BIRC6: variants seen among roughly 807,000 people sequenced by gnomAD.
BIRC6 encodes the protein dual E2 ubiquitin-conjugating enzyme/E3 ubiquitin-protein ligase BIRC6.
Under a neutral mutation model 503.3 loss-of-function variants are expected in BIRC6, and 98 were observed. That is an observed-to-expected ratio of 0.19 (90% CI 0.17 to 0.23). The LOEUF is 0.23. Among genes scored for constraint, BIRC6 ranks in the 10% least tolerant of loss-of-function variants. BIRC6 has a pLI of 1.00. For missense variants in BIRC6, 5,360 were observed against 5,806.0 expected (o/e 0.92, Z 2.50); for synonymous variants, 2,240 against 2,078.7 (o/e 1.08, Z -2.11).
chr2:32,492,246 C>A (rs1430016653), intron 44 of BIRC6, among the ~76,000 whole-genome samples: 1 of 152,040 alleles, frequency 6.6e-6, no homozygotes, highest in African/African-American at 2.4e-5. Flanking sequence ...TCTATTAATT[C>A]ACTTATTCAG....
At chr2:32,583,548 G>A (rs1573186756) in intron 66 of BIRC6, among the ~76,000 whole-genome samples, 1 of 152,288 alleles carries the variant, frequency 6.6e-6, no homozygotes, top group East Asian at 1.9e-4. Flanking sequence ...TGTCAAAATA[G>A]AGATTTTACA....
intron 47 of BIRC6, among the ~76,000 whole-genome samples, chr2:32,502,507 A>G (rs1314768030): frequency 1.3e-5 from 2 of 152,178 alleles, no homozygotes; most frequent in Non-Finnish European, 1.5e-5. Flanking sequence ...GAAAATACAA[A>G]GGTACTTTAA....
intron 65 of BIRC6, among the ~76,000 whole-genome samples, chr2:32,562,218 GGTT>G (rs1311819027): frequency 6.6e-6 from 1 of 151,912 alleles, no homozygotes; most frequent in Non-Finnish European, 1.5e-5. Context: ...TTGTGGTTTT[GGTT>G]GTTCTTAATA....
intron 9 of BIRC6, among the ~76,000 whole-genome samples, chr2:32,411,667 G>A (rs1357056017): frequency 2.6e-5 from 4 of 151,612 alleles, no homozygotes; most frequent in African/African-American, 9.7e-5. Context: ...TGGTAGAGAC[G>A]GGGTTTCACC....
In BIRC6 at chr2:32,503,234, T is replaced by G. The variant is rs1442211533; in HGVS notation, c.9497T>G (p.Leu3166Arg). The change falls in exon 49 of 74, where the codon CTC becomes CGC. Residue 3166 changes from leucine (L) to arginine (R), a missense_variant and splice_region_variant. Coordinates refer to ENST00000421745, the MANE Select transcript of BIRC6 (RefSeq NM_016252.4). ...GAAGGGATTCATAACTTTGCACCCCTCGGTAAGAAAAGTGTTACTAAATCT... is the reference window on the plus strand; with the variant it reads ...GAAGGGATTCATAACTTTGCACCCCGCGGTAAGAAAAGTGTTACTAAATCT... Reference protein sequence around the residue: ...NAEGIHNFAPLGTITSSSPTA... With the variant: ...NAEGIHNFAPRGTITSSSPTA... The G allele has an allele frequency of 3.8e-6, 6 of 1,596,666 alleles. No homozygotes were observed. The highest frequency in any genetic ancestry group is 5.1e-6 in the Non-Finnish European group (6 of 1,173,366).
chr2:32,596,117 T>A (rs1487892718), intron 68 of BIRC6, among the ~76,000 whole-genome samples: 1 of 152,188 alleles, frequency 6.6e-6, no homozygotes. Context: ...CAAGGTTTTT[T>A]ATGGCTTATT....
chr2:32,418,945 CTCAAACAAA>C (rs1292352707), intron 10 of BIRC6, among the ~76,000 whole-genome samples: 5 of 152,142 alleles, frequency 3.3e-5, no homozygotes, highest in Non-Finnish European at 7.3e-5. Context: ...AAGATTCCAT[CTCAAACAAA>C]ACAAACAAAC....
chr2:32,504,787 G>C (rs146858603), intron 49 of BIRC6, among the ~76,000 whole-genome samples: 2 of 152,136 alleles, frequency 1.3e-5, no homozygotes, highest in African/African-American at 4.8e-5. Context: ...AAAGTAGACA[G>C]CAGTTAATAA....
At chr2:32,524,393 A>G (rs2056069252) in intron 57 of BIRC6, among the ~76,000 whole-genome samples, 1 of 152,228 alleles carries the variant, frequency 6.6e-6, no homozygotes. Context: ...TTTCATTTGT[A>G]ATATAAGCAG....
intron 55 of BIRC6, 23 bp downstream of exon 55, chr2:32,515,793 A>G (rs891360233): frequency 1.4e-5 from 22 of 1,564,916 alleles, no homozygotes; most frequent in Non-Finnish European, 1.9e-5. Context: ...AATAACTTAC[A>G]TTTTAGTTGT....
At position 32,464,637 on chromosome 2, in the gene BIRC6, A is replaced by G; in HGVS notation, c.5070A>G (p.Pro1690=). ...PVAAPGFFIH[P]SDVIPPTPKT... is the part of the protein sequence containing the mutation. Reference sequence around the variant, plus strand: ...CTGCCCCTGGATTCTTCATTCATCCATCTGATGTTATTCCACCCACTCCAA... The same window carrying G: ...CTGCCCCTGGATTCTTCATTCATCCGTCTGATGTTATTCCACCCACTCCAA... The change falls in exon 25 of 74, where the codon CCA becomes CCG. Residue 1690 remains proline (P), a synonymous_variant. Transcript: ENST00000421745. 4.3e-6 allele frequency: 7 copies of G among 1,613,974 alleles called. No individual in the cohort carries two copies. Among genetic ancestry groups the G allele is most frequent in the Non-Finnish European group, 5.9e-6 (7 of 1,179,884 alleles).
chr2:32,382,107 A>T (rs1289698919), intron 3 of BIRC6, among the ~76,000 whole-genome samples: 1 of 152,236 alleles, frequency 6.6e-6, no homozygotes, highest in Admixed American at 6.5e-5. Context: ...AACAGAGATA[A>T]CTATAGGAAG....
chr2:32,580,098 C>T (rs968910557), intron 66 of BIRC6, among the ~76,000 whole-genome samples: 1 of 151,804 alleles, frequency 6.6e-6, no homozygotes, highest in Non-Finnish European at 1.5e-5. Flanking sequence ...GGATTACAGG[C>T]GTGTGTCACC....
chr2:32,482,862 A>C (rs574249334), intron 39 of BIRC6, among the ~76,000 whole-genome samples: 4 of 152,100 alleles, frequency 2.6e-5, no homozygotes, highest in Admixed American at 2.0e-4. Context: ...TTTAATAGTA[A>C]ACTTGTATTT....
At chr2:32,507,177 C>G (rs2053888663) in intron 50 of BIRC6, among the ~76,000 whole-genome samples, 1 of 152,118 alleles carries the variant, frequency 6.6e-6, no homozygotes, top group African/African-American at 2.4e-5. Flanking sequence ...CACCTGTAAT[C>G]CCAGCACTTT....
intron 1 of BIRC6, among the ~76,000 whole-genome samples, chr2:32,364,161 G>T (rs868660468): frequency 6.6e-5 from 10 of 152,206 alleles, no homozygotes; most frequent in Non-Finnish European, 1.5e-4. Context: ...CAGTATATGG[G>T]TAGGAGACAG....
At chr2:32,500,612 T>G (rs2366895) in intron 46 of BIRC6, among the ~76,000 whole-genome samples, 1,576 of 146,158 alleles carry the variant, frequency 0.011, 31 homozygotes, top group African/African-American at 0.034. Context: ...TTTTGTTTTT[T>G]TTTTTTTTTT....
intron 23 of BIRC6, among the ~76,000 whole-genome samples, chr2:32,460,694 A>G (rs1410525076): frequency 6.6e-6 from 1 of 151,900 alleles, no homozygotes; most frequent in Non-Finnish European, 1.5e-5. Context: ...TAGTATCAGG[A>G]TGGCTTATTT....
chr2:32,524,957 A>G lies in BIRC6; in HGVS notation c.11693A>G (p.Glu3898Gly), dbSNP rs1475866175. ...GACAAAGAAAAGAAAAACCATGAAGAGAAAGAAAAAGTTAAAGCGGAAAAT... is the reference window on the plus strand; with the variant it reads ...GACAAAGAAAAGAAAAACCATGAAGGGAAAGAAAAAGTTAAAGCGGAAAAT... The part of the protein sequence containing the change: ...KDDKEKKNHE[E>G]KEKVKAENGF... Residue 3898 changes from glutamate to glycine, a missense_variant, in exon 58 of 74, where the codon GAG (glutamate) becomes GGG (glycine). By Grantham distance (98) the Glu-to-Gly change is moderately conservative. Transcript: ENST00000421745. The G allele has an allele frequency of 3.2e-6, 5 of 1,553,056 alleles. No individual in the cohort carries two copies. The highest frequency in any genetic ancestry group is 1.7e-4 in the Middle Eastern group (1 of 5,940).
Sources: allele counts gnomAD v4.1 joint callset (sites outside exome capture counted in the v4.1 genomes callset), GRCh38; gene constraint gnomAD v4.1.1; transcripts MANE v1.5; gene names NCBI Gene and HGNC (gene_info 2026-07-23, HGNC 2026-07-21).